DCST2: variants seen among roughly 807,000 people sequenced by gnomAD.
The protein encoded by DCST2 is DC-STAMP domain-containing protein 2.
DCST2 carries 64 observed loss-of-function variants against 81.8 expected under a neutral mutation model. The ratio of observed to expected loss-of-function variants is 0.78; its 90% CI spans 0.64 to 0.96. The LOEUF (loss-of-function observed/expected upper bound fraction) is 0.96. DCST2 is among the 40% of genes least tolerant of loss of function. The probability of loss-of-function intolerance (pLI) is 0.00; values close to 1 mark genes in which losing one functional copy is unlikely to be tolerated. For synonymous variants in DCST2, 354 were observed against 402.6 expected, an observed-to-expected ratio of 0.88 and a Z score of 1.44; for missense variants, 945 against 1,001.4, an observed-to-expected ratio of 0.94 and a Z score of 0.76.
In DCST2 at chr1:155,030,123, G is replaced by A. The variant is rs1350238256; in HGVS notation, c.1138C>T (p.Pro380Ser). The change falls in exon 7 of 15, where the codon CCG becomes TCG. Residue 380 changes from proline to serine, a missense_variant. Coordinates refer to ENST00000368424, the MANE Select transcript of DCST2 (RefSeq NM_144622.3). Reference protein sequence around the residue: ...RSTAGLPTVLPLSAHEARRYI... With the variant: ...RSTAGLPTVLSLSAHEARRYI... ...CGCCTGGCCTCGTGAGCACTGAGCGGTAGCACTGTGGGCAGCCCTGCCGTG... is the reference window on the plus strand; with the variant it reads ...CGCCTGGCCTCGTGAGCACTGAGCGATAGCACTGTGGGCAGCCCTGCCGTG... The A allele has an allele frequency of 1.4e-5, 22 of 1,613,980 alleles. No individual in the cohort carries two copies. Among genetic ancestry groups the A allele is most frequent in the Non-Finnish European group, 1.7e-5 (20 of 1,180,022 alleles).
chr1:155,024,702 C>T (rs1261474623), intron 10 of DCST2, 100 bp from the exon 11 acceptor site: 19 of 1,307,284 alleles, frequency 1.5e-5, no homozygotes, highest in Non-Finnish European at 1.9e-5. Context: ...CTATCCAACT[C>T]CTATGAATCC....
At position 155,023,201 on chromosome 1, in the gene DCST2, TC is replaced by T; in HGVS notation, c.2020del (p.Asp674ThrfsTer?). 6.2e-7 allele frequency: 1 copy of T among 1,614,144 alleles called. No homozygotes were observed. The highest frequency in any genetic ancestry group is 8.5e-7 in the Non-Finnish European group (1 of 1,180,040). On this transcript the variant is annotated frameshift_variant, in exon 14 of 15. Transcript: ENST00000368424. LOFTEE classifies it high-confidence loss of function. ...CTGCAATAACCATGCCTGCTCAGGG[TC>T]CTTCCTTTGAGCTGCAGCCAGCCAT... ...QLWLAAAQRKDPEQAWLLQQQ... is the reference protein window; with the variant it reads ...QLWLAAAQRKXPEQAWLLQQQ...
Position 155,030,505 on chromosome 1 carries a change from G to C in DCST2, c.946C>G (p.Leu316Val). 1.2e-6 allele frequency: 2 copies of C among 1,614,124 alleles called. No individual in the cohort carries two copies. Among genetic ancestry groups the C allele is most frequent in the Non-Finnish European group, 1.7e-6 (2 of 1,180,020 alleles). The change falls in exon 6 of 15, where the codon CTG becomes GTG. Residue 316 changes from leucine to valine, a missense_variant. Physicochemically the swap from Leu to Val is conservative, Grantham distance 32 (BLOSUM62 1). Coordinates refer to ENST00000368424, the MANE Select transcript of DCST2 (RefSeq NM_144622.3). ...MDLHEAVSMK[L>V]HRVREALALM... is the part of the protein sequence containing the mutation. ...GCCAGGGCCTCTCGGACACGGTGCA[G>C]CTTCATGCTGACAGCCTCGTGGAGG...
In DCST2 at chr1:155,022,612, A is replaced by C. The variant is rs1659786210; in HGVS notation, c.2105+505T>G. ...AAATAATAATAATAAGGCAGGTGTG[A>C]TGGTGTTCCTGACATCCCAGCTACC... On this transcript the variant is annotated intron_variant, in intron 14 of 14. Coordinates refer to ENST00000368424, the MANE Select transcript of DCST2 (RefSeq NM_144622.3). Among the ~76,000 whole-genome samples, 3 of 152,066 alleles carry C rather than the reference A, an allele frequency of 2.0e-5. 1 individual carries two copies. Among genetic ancestry groups the C allele is most frequent in the Admixed American group, 6.6e-5 (1 of 15,254 alleles).
At chr1:155,027,027 AT>A (rs201906463) in intron 8 of DCST2, among the ~76,000 whole-genome samples, 32 of 148,838 alleles carry the variant, frequency 2.1e-4, no homozygotes, top group Non-Finnish European at 3.0e-4. Context: ...AGAAGCATTT[AT>A]TTTTTTTTTT....
intron 11 of DCST2, among the ~76,000 whole-genome samples, 171 bp from the exon 12 acceptor site, chr1:155,024,130 T>C (rs954406853): frequency 6.6e-6 from 1 of 152,120 alleles, no homozygotes; most frequent in Non-Finnish European, 1.5e-5. Context: ...CTTCCTCCCT[T>C]CACTCCTCAC....
intron 4 of DCST2, 43 bp downstream of exon 4, chr1:155,031,531 C>T: frequency 6.5e-7 from 1 of 1,528,120 alleles, no homozygotes; most frequent in Non-Finnish European, 9.1e-7. Context: ...CCCACCCCAC[C>T]CCACATCGGC....
At chr1:155,028,411 T>C (rs1659972380) in intron 8 of DCST2, among the ~76,000 whole-genome samples, 1 of 152,012 alleles carries the variant, frequency 6.6e-6, no homozygotes, top group African/African-American at 2.4e-5. Flanking sequence ...AGCAATATGG[T>C]TAAACCCCGT....
chr1:155,019,535 C>T (rs1659684088), intron 14 of DCST2, among the ~76,000 whole-genome samples: 1 of 152,248 alleles, frequency 6.6e-6, no homozygotes, highest in South Asian at 2.1e-4. Context: ...GGCCCCCTCT[C>T]TGAGTCCCTC....
At chr1:155,031,110 C>T (rs1012735928) in intron 5 of DCST2, 59 bp downstream of exon 5, 9 of 1,541,722 alleles carry the variant, frequency 5.8e-6, no homozygotes, top group Admixed American at 4.4e-5. Flanking sequence ...ATGGCCACAC[C>T]GGGATGAGGG....
intron 8 of DCST2, among the ~76,000 whole-genome samples, chr1:155,027,557 T>C (rs992826686): frequency 8.9e-5 from 12 of 134,254 alleles, no homozygotes; most frequent in Non-Finnish European, 1.6e-4. Flanking sequence ...TTTACTTCTT[T>C]TTTTTTTTTT....
At chr1:155,032,873 G>A (rs1309858980) in intron 2 of DCST2, 105 bp from the exon 3 acceptor site, 12 of 1,177,736 alleles carry the variant, frequency 1.0e-5, no homozygotes, top group African/African-American at 1.5e-5. Context: ...CATTTCCAGA[G>A]GCGGGAAGCC....
intron 5 of DCST2, 184 bp from the exon 6 acceptor site, chr1:155,030,829 A>C: frequency 1.6e-6 from 1 of 638,008 alleles, no homozygotes. Flanking sequence ...TGCCATCGCC[A>C]TCACATGCTC....
In DCST2 at chr1:155,029,387, G is replaced by C; in HGVS notation, c.1188C>G (p.Phe396Leu). Reference sequence around the variant, plus strand: ...AAAAAAACTTCTCCCATTGGGACAAGAAGATGGAGCCTGAGCAGGAGTGGG... The same window carrying C: ...AAAAAAACTTCTCCCATTGGGACAACAAGATGGAGCCTGAGCAGGAGTGGG... ...ARRYIPPGSI[F>L]LSQWEKFFYI... The change falls in exon 8 of 15, where the codon TTC becomes TTG. Residue 396 changes from phenylalanine (F) to leucine (L), a missense_variant. Transcript: ENST00000368424. The C allele has an allele frequency of 6.2e-7, 1 of 1,614,016 alleles. No homozygotes were observed. The highest frequency in any genetic ancestry group is 8.5e-7 in the Non-Finnish European group (1 of 1,179,930).
intron 5 of DCST2, chr1:155,030,875 C>G (rs1660054549): frequency 3.3e-6 from 2 of 608,038 alleles, no homozygotes; most frequent in Non-Finnish European, 5.8e-6. Context: ...CAACAGATGC[C>G]CCTAAGGAAT....
chr1:155,023,609 T>G (rs1558098241), intron 12 of DCST2, 152 bp from the exon 13 acceptor site: 1 of 1,546,484 alleles, frequency 6.5e-7, no homozygotes, highest in Non-Finnish European at 8.7e-7. Flanking sequence ...CAATGCCACT[T>G]GCATATAAAT....
intron 8 of DCST2, 137 bp from the exon 9 acceptor site, chr1:155,026,852 C>T: frequency 2.9e-6 from 3 of 1,017,786 alleles, no homozygotes; most frequent in South Asian, 1.5e-5. Context: ...TCTGATGCCT[C>T]AGGCACCCTC....
chr1:155,029,527 A>T, intron 7 of DCST2, 130 bp from the exon 8 acceptor site: 1 of 922,736 alleles, frequency 1.1e-6, no homozygotes. Flanking sequence ...CGGAAAAGAA[A>T]AGAAGCTGTG....
chr1:155,030,389 A>C, intron 6 of DCST2, 43 bp downstream of exon 6: 1 of 1,603,884 alleles, frequency 6.2e-7, no homozygotes, highest in Non-Finnish European at 8.5e-7. Flanking sequence ...CTGGCCCTGC[A>C]CCCCCGGCCC....
Sources: allele counts gnomAD v4.1 joint callset (sites outside exome capture counted in the v4.1 genomes callset), GRCh38; gene constraint gnomAD v4.1.1; transcripts MANE v1.5; gene names NCBI Gene and HGNC (gene_info 2026-07-23, HGNC 2026-07-21).